CYP3A7: variants seen among roughly 807,000 people sequenced by gnomAD.
CYP3A7 encodes cytochrome P450 family 3 subfamily A member 7, also known as cytochrome P450 3A7.
CYP3A7 carries 45 observed loss-of-function variants against 55.2 expected under a neutral mutation model. The observed-to-expected ratio is 0.82, with a 90% CI of 0.64 to 1.05. CYP3A7 has a LOEUF of 1.05. Ranked by LOEUF, CYP3A7 falls within the 50% of genes least tolerant of loss-of-function variation. The pLI, the probability that CYP3A7 is intolerant of heterozygous loss-of-function variation, is 0.00. For missense variants in CYP3A7, 548 were observed against 605.3 expected, an observed-to-expected ratio of 0.91 and a Z score of 0.99; for synonymous variants, 180 against 207.4, an observed-to-expected ratio of 0.87 and a Z score of 1.13.
intron 9 of CYP3A7, among the ~76,000 whole-genome samples, chr7:99,711,380 A>G (rs1240627551): frequency 1.3e-5 from 2 of 152,220 alleles, no homozygotes; most frequent in African/African-American, 4.8e-5. Context: ...TCCTTTAGAT[A>G]TGTTTGAGGG....
chr7:99,723,042 C>T (rs1375896857), intron 2 of CYP3A7, among the ~76,000 whole-genome samples: 1 of 152,124 alleles, frequency 6.6e-6, no homozygotes, highest in Admixed American at 6.5e-5. Context: ...AAAAACCTTC[C>T]TGTTTCTACA....
At chr7:99,717,738 T>G in intron 4 of CYP3A7, 99 bp from the exon 5 acceptor site, 2 of 1,423,706 alleles carry the variant, frequency 1.4e-6, no homozygotes, top group Non-Finnish European at 1.9e-6. Context: ...TTAACAAATA[T>G]TTAGTGACTG....
intron 7 of CYP3A7, chr7:99,715,545 TGGCA>T: frequency 1.3e-6 from 1 of 779,404 alleles, no homozygotes; most frequent in East Asian, 3.0e-5. Flanking sequence ...ACAGGATTTC[TGGCA>T]GGGGGTTGAT....
intron 4 of CYP3A7, among the ~76,000 whole-genome samples, chr7:99,720,002 CAA>C (rs1444692175): frequency 2.6e-5 from 4 of 151,482 alleles, no homozygotes; most frequent in African/African-American, 9.8e-5. Context: ...GTCCGAAAAA[CAA>C]ACAACAAACA....
chr7:99,716,508 G>A (rs1255002262), intron 6 of CYP3A7, among the ~76,000 whole-genome samples: 1 of 152,082 alleles, frequency 6.6e-6, no homozygotes, highest in African/African-American at 2.4e-5. Flanking sequence ...AATGACAAAT[G>A]ATGTCCTGGT....
At chr7:99,715,700 C>G (rs764445265) in intron 7 of CYP3A7, 58 bp downstream of exon 7, 2 of 1,612,034 alleles carry the variant, frequency 1.2e-6, no homozygotes, top group Non-Finnish European at 1.7e-6. Context: ...ATTTACATCT[C>G]AATAAAGCAG....
chr7:99,714,493 A>G (rs530740715), intron 8 of CYP3A7, 62 bp downstream of exon 8: 4 of 1,600,794 alleles, frequency 2.5e-6, no homozygotes, highest in East Asian at 2.2e-5. Flanking sequence ...CACCGATCAT[A>G]TGTATATTTC....
chr7:99,723,508 GT>G (rs1232933969), intron 2 of CYP3A7, among the ~76,000 whole-genome samples: 1 of 152,094 alleles, frequency 6.6e-6, no homozygotes, highest in Non-Finnish European at 1.5e-5. Context: ...CTGCACCCAG[GT>G]GATTAAAAAG....
Position 99,707,937 on chromosome 7 carries a change from T to C in CYP3A7, c.1291A>G (p.Ile431Val). The change falls in exon 12 of 13, where the codon ATA (isoleucine) becomes GTA (valine). Residue 431 changes from isoleucine (I) to valine (V), a missense_variant. Transcript: ENST00000336374. The stretch of plus-strand genomic sequence containing the variant: ...GGTCCACTTCCAAAGGGTGTGTATA[T>C]GTAAGGATCTATGTTGTCCTTGTTC... The part of the protein sequence containing the change: ...KKNKDNIDPY[I>V]YTPFGSGPRN... 1 of 1,614,008 alleles carries C rather than the reference T, an allele frequency of 6.2e-7. No individual in the cohort carries two copies. Among genetic ancestry groups the C allele is most frequent in the Non-Finnish European group, 8.5e-7 (1 of 1,179,890 alleles).
intron 4 of CYP3A7, 39 bp from the exon 5 acceptor site, chr7:99,717,678 T>A (rs767278582): frequency 6.2e-7 from 1 of 1,609,130 alleles, no homozygotes; most frequent in Non-Finnish European, 8.5e-7. Context: ...CTACATCAGT[T>A]GTGGAGGTCT....
chr7:99,731,268 A>T (rs1814606093), intron 1 of CYP3A7, 116 bp from the exon 2 acceptor site: 1 of 1,172,340 alleles, frequency 8.5e-7, no homozygotes, highest in African/African-American at 1.6e-5. Flanking sequence ...CATTAAGGCA[A>T]TAAAAAATAA....
chr7:99,712,573 G>A (rs1293258071), intron 9 of CYP3A7, among the ~76,000 whole-genome samples: 2 of 152,158 alleles, frequency 1.3e-5, no homozygotes, highest in African/African-American at 4.8e-5. Context: ...CTTTATCACA[G>A]CAAGTTGTAT....
chr7:99,705,273 A>G lies in CYP3A7; in HGVS notation c.*227T>C. The G allele has an allele frequency of 4.2e-6, 2 of 471,640 alleles. No individual in the cohort carries two copies. Among genetic ancestry groups the G allele is most frequent in the Non-Finnish European group, 7.5e-6 (2 of 264,952 alleles). 29.2% of individuals were successfully genotyped at this position (471,640 alleles called of 1,614,324 possible). ...GTCCTATGAGAAGCAGAGAAGCCAA[A>G]TCTACTTCCCCAGCACTGATTTGGT... On this transcript the variant is annotated 3_prime_UTR_variant, in exon 13 of 13. Transcript: ENST00000336374.
chr7:99,730,521 T>A (rs1249032469), intron 2 of CYP3A7: 1 of 154,554 alleles, frequency 6.5e-6, no homozygotes. Context: ...CCAACAAAAT[T>A]TGGCATTTTT....
intron 3 of CYP3A7, 52 bp downstream of exon 3, chr7:99,722,244 T>A (rs1274229700): frequency 6.2e-7 from 1 of 1,610,394 alleles, no homozygotes; most frequent in Non-Finnish European, 8.5e-7. Flanking sequence ...TGCAGTGGGG[T>A]AAACTCATCA....
At chr7:99,721,408 T>G (rs1814193134) in intron 3 of CYP3A7, among the ~76,000 whole-genome samples, 2 of 152,180 alleles carry the variant, frequency 1.3e-5, no homozygotes, top group Non-Finnish European at 2.9e-5. Flanking sequence ...ATGAAAGAGT[T>G]TTGGCTTTTA....
chr7:99,709,813 C>A (rs1279264512), intron 10 of CYP3A7, among the ~76,000 whole-genome samples: 1 of 151,420 alleles, frequency 6.6e-6, no homozygotes, highest in Admixed American at 6.6e-5. Context: ...TGCATATATA[C>A]ACAAAAGCAG....
intron 12 of CYP3A7, among the ~76,000 whole-genome samples, chr7:99,707,212 G>A (rs1813557770): frequency 6.6e-6 from 1 of 152,232 alleles, no homozygotes; most frequent in Non-Finnish European, 1.5e-5. Context: ...AGGTCAGTAA[G>A]GATGGCCTTG....
intron 2 of CYP3A7, among the ~76,000 whole-genome samples, chr7:99,727,444 T>G (rs1476322823): frequency 6.6e-6 from 1 of 152,142 alleles, no homozygotes; most frequent in East Asian, 1.9e-4. Flanking sequence ...CAATACCCAC[T>G]CTCTGTTGAG....
Sources: allele counts gnomAD v4.1 joint callset (sites outside exome capture counted in the v4.1 genomes callset), GRCh38; gene constraint gnomAD v4.1.1; transcripts MANE v1.5; gene names NCBI Gene and HGNC (gene_info 2026-07-23, HGNC 2026-07-21).